SUCO: variants seen among roughly 807,000 people sequenced by gnomAD.
SUCO encodes SUN domain-containing ossification factor.
A neutral mutation model predicts 148.1 loss-of-function variants in SUCO; 57 were observed. The observed-to-expected ratio is 0.38, with a 90% CI of 0.31 to 0.48. The LOEUF (loss-of-function observed/expected upper bound fraction) is 0.48, where lower values mean the gene tolerates loss of function less well. Ranked by LOEUF, SUCO falls within the 20% of genes least tolerant of loss-of-function variation. SUCO has a pLI of 0.96. For synonymous variants in SUCO, 470 were observed against 502.7 expected, an observed-to-expected ratio of 0.93 and a Z score of 0.87; for missense variants, 1,331 against 1,468.2, an observed-to-expected ratio of 0.91 and a Z score of 1.53.
chr1:172,556,879 T>C (rs1278667851), intron 4 of SUCO: 1 of 886,618 alleles, frequency 1.1e-6, no homozygotes, highest in African/African-American at 1.8e-5. Context: ...CAGGGAAAAA[T>C]AGGAAGGTTT....
chr1:172,566,777 C>G (rs903938996), intron 6 of SUCO, among the ~76,000 whole-genome samples: 2 of 152,172 alleles, frequency 1.3e-5, no homozygotes, highest in Non-Finnish European at 2.9e-5. Flanking sequence ...CAGGTGTTGC[C>G]ATGGCAGTGC....
chr1:172,561,547 T>C (rs10911920), intron 6 of SUCO, among the ~76,000 whole-genome samples: 35,089 of 152,046 alleles, frequency 0.23, 4,206 homozygotes, highest in South Asian at 0.37. Flanking sequence ...GCAAACAAGA[T>C]TAATAGTGAC....
rs1394500033 is a variant in SUCO, at chr1:172,608,738, T to TA, written c.3266-8dup. The stretch of plus-strand genomic sequence containing the variant: ...TTTTACATCTGCTTTTTTTTTTTTT[T>TA]ACTTACAGTAGACCCAAATGATTTG... On this transcript the variant is annotated splice_polypyrimidine_tract_variant and intron_variant, in intron 22 of 23. Transcript: ENST00000263688. The TA allele has an allele frequency of 2.6e-6, 4 of 1,541,702 alleles. No individual in the cohort carries two copies. Among genetic ancestry groups the TA allele is most frequent in the African/African-American group, 2.8e-5 (2 of 71,662 alleles).
intron 1 of SUCO, among the ~76,000 whole-genome samples, chr1:172,548,734 CT>C (rs1384115248): frequency 1.3e-5 from 2 of 151,886 alleles, no homozygotes; most frequent in African/African-American, 4.8e-5. Context: ...TCTTTTAGAG[CT>C]TGAGTTTTTG....
Position 172,589,391 on chromosome 1 carries a change from G to A in SUCO, c.2290G>A (p.Val764Met), listed in dbSNP as rs1033120217. The change falls in exon 18 of 24, where the codon GTG (valine) becomes ATG (methionine). Residue 764 changes from valine to methionine, a missense_variant. Transcript: ENST00000263688. ...TGAGGCAGGACATATACCATCACCA[G>A]TGATTCCCCAAGAGAGTTCTGTTGA... Reference protein sequence around the residue: ...EYEAGHIPSPVIPQESSVEID... With the variant: ...EYEAGHIPSPMIPQESSVEID... The A allele has an allele frequency of 3.1e-6, 5 of 1,613,782 alleles. No individual in the cohort carries two copies. Among genetic ancestry groups the A allele is most frequent in the Non-Finnish European group, 4.2e-6 (5 of 1,179,878 alleles).
chr1:172,592,931 T>G (rs1243667834), intron 19 of SUCO, among the ~76,000 whole-genome samples: 2 of 152,226 alleles, frequency 1.3e-5, no homozygotes, highest in Non-Finnish European at 2.9e-5. Flanking sequence ...CTTCCATTTG[T>G]TTGTGTCTTC....
At position 172,536,311 on chromosome 1, in the gene SUCO, A is replaced by G. The variant is rs545383420; in HGVS notation, c.62+2814A>G. On this transcript the variant is annotated intron_variant, in intron 1 of 23. Coordinates refer to ENST00000263688, the MANE Select transcript of SUCO (RefSeq NM_014283.5). The stretch of plus-strand genomic sequence containing the variant: ...TATGTGGCTCCATCATTTACTAGAT[A>G]TGTGTTCTTTGACTTGTTATGTAAC... Among the ~76,000 whole-genome samples the G allele has an allele frequency of 1.2e-4, 18 of 152,266 alleles. No individual in the cohort carries two copies. The South Asian group carries it at 3.7e-3, about 32-fold the overall frequency.
intron 10 of SUCO, chr1:172,575,086 A>G (rs967017041): frequency 5.5e-6 from 1 of 181,800 alleles, no homozygotes; most frequent in Non-Finnish European, 1.1e-5. Context: ...AGTCTCCTTT[A>G]AAGGGGAATA....
In SUCO at chr1:172,579,294, A is replaced by T. The variant is rs373508835; in HGVS notation, c.1498+27A>T. 338 of 1,430,582 alleles carry T rather than the reference A, an allele frequency of 2.4e-4. 3 individuals carry two copies. In the African/African-American group the frequency reaches 4.3e-3, roughly 18 times the overall value. 88.6% of individuals were successfully genotyped at this position (1,430,582 alleles called of 1,614,324 possible). Reference sequence around the variant, plus strand: ...TGAGTATTTTGAGGATTTTCTATTCATTCTACTACTTTTTCATTCTGACAC... The same window carrying T: ...TGAGTATTTTGAGGATTTTCTATTCTTTCTACTACTTTTTCATTCTGACAC... On this transcript the variant is annotated intron_variant, in intron 15 of 23. Transcript: ENST00000263688.
At chr1:172,570,765 C>T (rs376679357) in intron 9 of SUCO, 35 bp downstream of exon 9, 2 of 1,176,262 alleles carry the variant, frequency 1.7e-6, no homozygotes, top group Non-Finnish European at 1.3e-6. Context: ...GTACATTCTA[C>T]ATATATATGC....
At chr1:172,585,773 C>A in intron 16 of SUCO, 85 bp from the exon 17 acceptor site, 1 of 969,890 alleles carries the variant, frequency 1.0e-6, no homozygotes, top group Non-Finnish European at 1.5e-6. Flanking sequence ...TTTTTCTTCT[C>A]TTCCAAGAAA....
At chr1:172,532,442 A>T, upstream of SUCO, 1 of 1,551,328 alleles carries the variant, frequency 6.4e-7, no homozygotes, top group Non-Finnish European at 8.8e-7. Flanking sequence ...AGAGAAGAAA[A>T]AGCGAAAGGT....
In SUCO at chr1:172,533,424, AAGG is replaced by A. The variant is rs1256574828; in HGVS notation, c.-6_-4del. 3.9e-6 allele frequency: 6 copies of A among 1,557,098 alleles called. No individual in the cohort carries two copies. The highest frequency in any genetic ancestry group is 1.4e-5 in the African/African-American group (1 of 73,388). ...TGTGCCGCCTTCTGGCAGGGGGAAG[AAGG>A]AGGAGAAGATGAAGAAGCACCGGCG... On this transcript the variant is annotated 5_prime_UTR_variant, in exon 1 of 24. Coordinates refer to ENST00000263688, the MANE Select transcript of SUCO (RefSeq NM_014283.5).
upstream of SUCO, chr1:172,532,963 G>C (rs962647303): frequency 4.4e-6 from 4 of 914,878 alleles, no homozygotes; most frequent in Non-Finnish European, 3.9e-6. Flanking sequence ...GACGTCGAAG[G>C]GGGCGTGGCC....
chr1:172,555,773 C>A, intron 3 of SUCO, 96 bp from the exon 4 acceptor site: 1 of 992,724 alleles, frequency 1.0e-6, no homozygotes, highest in Non-Finnish European at 1.4e-6. Flanking sequence ...TTTATATTGT[C>A]ATTTTTCAGA....
At chr1:172,533,121 G>A, upstream of SUCO, 1 of 1,438,970 alleles carries the variant, frequency 6.9e-7, no homozygotes, top group Non-Finnish European at 9.1e-7. Flanking sequence ...TGGCCTCACG[G>A]AGCAAGGCCC....
chr1:172,533,459 G>C lies in SUCO; in HGVS notation c.24G>C (p.Leu8Phe). The change falls in exon 1 of 24, where the codon TTG becomes TTC. Residue 8 changes from leucine (L) to phenylalanine (F), a missense_variant. By Grantham distance (22) the Leu-to-Phe change is conservative. Coordinates refer to ENST00000263688, the MANE Select transcript of SUCO (RefSeq NM_014283.5). Reference protein sequence around the residue: MKKHRRALALVSCLFLCS... With the variant: MKKHRRAFALVSCLFLCS... ...AGATGAAGAAGCACCGGCGGGCCTT[G>C]GCCCTGGTCTCCTGCCTCTTTCTGT... 1 of 1,565,422 alleles carries C rather than the reference G, an allele frequency of 6.4e-7. No homozygotes were observed. The highest frequency in any genetic ancestry group is 2.4e-5 in the East Asian group (1 of 42,162).
intron 15 of SUCO, among the ~76,000 whole-genome samples, chr1:172,583,403 T>C (rs560844712): frequency 6.6e-6 from 1 of 152,306 alleles, no homozygotes; most frequent in African/African-American, 2.4e-5. Context: ...TTGTTGACTT[T>C]CAGCGTATAC....
intron 9 of SUCO, among the ~76,000 whole-genome samples, chr1:172,571,122 G>A (rs986923797): frequency 6.6e-6 from 1 of 152,198 alleles, no homozygotes; most frequent in African/African-American, 2.4e-5. Context: ...GAATAAGGGG[G>A]GTACTGCTGC....
Sources: allele counts gnomAD v4.1 joint callset (sites outside exome capture counted in the v4.1 genomes callset), GRCh38; gene constraint gnomAD v4.1.1; transcripts MANE v1.5; gene names NCBI Gene and HGNC (gene_info 2026-07-23, HGNC 2026-07-21).